The following RAMP3 variants were observed in gnomAD, a reference collection of about 807,000 sequenced individuals.
RAMP3 encodes the protein receptor activity-modifying protein 3.
In RAMP3, 14 loss-of-function variants were observed where a neutral mutation model predicts 13.5. That is an observed-to-expected ratio of 1.04 (90% CI 0.69 to 1.63). The LOEUF (loss-of-function observed/expected upper bound fraction) is 1.63, where lower values mean the gene tolerates loss of function less well. Ranked by LOEUF, RAMP3 falls within the 40% of genes most tolerant of loss-of-function variation. RAMP3 has a pLI of 0.00. For synonymous variants in RAMP3, 106 were observed against 88.3 expected (o/e 1.20, Z -1.12); for missense variants, 200 against 204.8 (o/e 0.98, Z 0.14).
In RAMP3 at chr7:45,183,222, A is replaced by G; in HGVS notation, c.257A>G (p.Asn86Ser). ...EANVVGCYWP[N>S]PLAQGFITGI... ...AATGTCGTGGGCTGCTACTGGCCCA[A>G]CCCCCTGGCCCAGGGCTTCATCACC... Residue 86 changes from asparagine to serine, a missense_variant, in exon 3 of 3, where the codon AAC (asparagine) becomes AGC (serine). Physicochemically the swap from Asn to Ser is conservative, Grantham distance 46 (BLOSUM62 1). Coordinates refer to ENST00000242249, the MANE Select transcript of RAMP3 (RefSeq NM_005856.3). 2.5e-6 allele frequency: 4 copies of G among 1,613,166 alleles called. No individual in the cohort carries two copies. Among genetic ancestry groups the G allele is most frequent in the Non-Finnish European group, 3.4e-6 (4 of 1,179,882 alleles).
chr7:45,180,480 G>A (rs1416285423), intron 2 of RAMP3, among the ~76,000 whole-genome samples: 1 of 152,210 alleles, frequency 6.6e-6, no homozygotes, highest in Non-Finnish European at 1.5e-5. Flanking sequence ...GTCGAGTCAT[G>A]GCTGGGAAGA....
chr7:45,163,531 G>A (rs1278592408), intron 1 of RAMP3: 1 of 985,248 alleles, frequency 1.0e-6, no homozygotes, highest in Non-Finnish European at 1.2e-6. Context: ...AGCAGCCAGA[G>A]GGTCGTGGAG....
chr7:45,179,397 C>T (rs1247225301), intron 2 of RAMP3, among the ~76,000 whole-genome samples: 2 of 152,026 alleles, frequency 1.3e-5, no homozygotes, highest in Non-Finnish European at 2.9e-5. Context: ...GAAATCTGAC[C>T]TAAGGCTCTG....
Position 45,183,139 on chromosome 7 carries a change from C to T in RAMP3, c.192-18C>T. 5 of 1,606,422 alleles carry T rather than the reference C, an allele frequency of 3.1e-6. No individual in the cohort carries two copies. Among genetic ancestry groups the T allele is most frequent in the South Asian group, 1.1e-5 (1 of 91,080 alleles). On this transcript the variant is annotated intron_variant, in intron 2 of 2. Transcript: ENST00000242249. ...GGGGATGGCGAGAGCCTGGCTTTCACCCCCTCTGCTTTTGCAGGTACTATG... is the reference window on the plus strand; with the variant it reads ...GGGGATGGCGAGAGCCTGGCTTTCATCCCCTCTGCTTTTGCAGGTACTATG...
intron 1 of RAMP3, among the ~76,000 whole-genome samples, chr7:45,170,455 A>T (rs1482355899): frequency 1.3e-5 from 2 of 151,330 alleles, no homozygotes; most frequent in Non-Finnish European, 2.9e-5. Flanking sequence ...CTCCTGCCTC[A>T]GCCTCTCGAG....
chr7:45,161,690 G>C (rs980159266), intron 1 of RAMP3, among the ~76,000 whole-genome samples: 1 of 151,810 alleles, frequency 6.6e-6, no homozygotes, highest in Non-Finnish European at 1.5e-5. Context: ...GGGGAAGGAG[G>C]GGGAGGCAGA....
chr7:45,164,517 A>G (rs1280846789), intron 1 of RAMP3, among the ~76,000 whole-genome samples: 8 of 151,740 alleles, frequency 5.3e-5, no homozygotes, highest in African/African-American at 1.9e-4. Flanking sequence ...CCTCGGTGAC[A>G]GAGTGAGACT....
Position 45,176,456 on chromosome 7 carries a change from C to T in RAMP3, c.59-853C>T, listed in dbSNP as rs114999108. On this transcript the variant is annotated intron_variant, in intron 1 of 2. Transcript: ENST00000242249. ...AGGGCTGTGCGTGCACACACACACA[C>T]ACACCCGAGACACATATGCCTGGGG... Among the ~76,000 whole-genome samples, 598 of 152,038 alleles carry T rather than the reference C, an allele frequency of 3.9e-3. 6 individuals are homozygous for T. Among genetic ancestry groups the T allele is most frequent in the African/African-American group, 0.014 (573 of 41,456 alleles).
At position 45,164,056 on chromosome 7, in the gene RAMP3, T is replaced by C. The variant is rs190563518; in HGVS notation, c.58+6170T>C. ...TGTACATCCTGCTCCAACCTTGCCC[T>C]GGGTCTACCTTTCCAAAGTCACTTC... On this transcript the variant is annotated intron_variant, in intron 1 of 2. Transcript: ENST00000242249. Among the ~76,000 whole-genome samples the C allele has an allele frequency of 1.3e-4, 20 of 152,360 alleles. 1 individual carries two copies. Among genetic ancestry groups the C allele is most frequent in the African/African-American group, 4.8e-4 (20 of 41,580 alleles).
chr7:45,171,352 T>C (rs1294950), intron 1 of RAMP3, among the ~76,000 whole-genome samples: 56,737 of 151,824 alleles, frequency 0.37, 12,888 homozygotes, highest in African/African-American at 0.64. Flanking sequence ...GATGGGGTTT[T>C]GCCATGTTGT....
intron 1 of RAMP3, among the ~76,000 whole-genome samples, chr7:45,160,721 T>A (rs1785852220): frequency 6.6e-6 from 1 of 152,190 alleles, no homozygotes; most frequent in South Asian, 2.1e-4. Flanking sequence ...CTCAGTGGCG[T>A]CTGGAAGTCC....
chr7:45,179,028 G>A (rs1005165378), intron 2 of RAMP3, among the ~76,000 whole-genome samples: 1 of 152,182 alleles, frequency 6.6e-6, no homozygotes, highest in African/African-American at 2.4e-5. Flanking sequence ...AAGCAGTGAG[G>A]TGTCCAGAGC....
At chr7:45,180,861 G>T (rs1300143253) in intron 2 of RAMP3, among the ~76,000 whole-genome samples, 1 of 152,234 alleles carries the variant, frequency 6.6e-6, no homozygotes, top group African/African-American at 2.4e-5. Context: ...ACTGAAGGAG[G>T]AGTGGAGAGG....
At position 45,183,389 on chromosome 7, in the gene RAMP3, A is replaced by G; in HGVS notation, c.424A>G (p.Lys142Glu). The change falls in exon 3 of 3, where the codon AAA (lysine) becomes GAA (glutamate). Residue 142 changes from lysine (K) to glutamate (E), a missense_variant. Transcript: ENST00000242249. The part of the protein sequence containing the change: ...AMAGLVVWRS[K>E]RTDTLL ...GGCTGGCCTGGTGGTGTGGCGCAGC[A>G]AACGCACCGACACGCTGCTGTGAGG... is the stretch of plus-strand genomic sequence containing the variant. 4 of 1,613,026 alleles carry G rather than the reference A, an allele frequency of 2.5e-6. No individual in the cohort carries two copies. Among genetic ancestry groups the G allele is most frequent in the Non-Finnish European group, 1.7e-6 (2 of 1,180,014 alleles).
At chr7:45,174,065 G>A (rs1786131825) in intron 1 of RAMP3, among the ~76,000 whole-genome samples, 1 of 152,110 alleles carries the variant, frequency 6.6e-6, no homozygotes, top group Non-Finnish European at 1.5e-5. Flanking sequence ...AAATGGACAA[G>A]GCCCAGTGAG....
At chr7:45,171,316 C>T (rs1025637285) in intron 1 of RAMP3, among the ~76,000 whole-genome samples, 1 of 151,946 alleles carries the variant, frequency 6.6e-6, no homozygotes, top group Non-Finnish European at 1.5e-5. Flanking sequence ...CCACTGTGCC[C>T]TGCTAATTTT....
At chr7:45,158,846 T>C (rs1010811437) in intron 1 of RAMP3, among the ~76,000 whole-genome samples, 1 of 152,236 alleles carries the variant, frequency 6.6e-6, no homozygotes, top group Non-Finnish European at 1.5e-5. Flanking sequence ...GCAGAACTTG[T>C]GTGGCTTCAT....
In RAMP3 at chr7:45,157,950, G is replaced by A. The variant is rs1785791763; in HGVS notation, c.58+64G>A. 4 of 1,285,286 alleles carry A rather than the reference G, an allele frequency of 3.1e-6. 1 individual carries two copies. The South Asian group carries it at 8.8e-5, about 28-fold the overall frequency. The allele number at this position is 1,285,286 out of a possible 1,614,324, so 79.6% of individuals were successfully genotyped here. On this transcript the variant is annotated intron_variant, in intron 1 of 2. Coordinates refer to ENST00000242249, the MANE Select transcript of RAMP3 (RefSeq NM_005856.3). ...CCTCGGGGTTCACCGGACCCGGGTG[G>A]ACCCGCGCCTTCCCGCACCTGCGCC...
intron 1 of RAMP3, among the ~76,000 whole-genome samples, chr7:45,160,060 C>A (rs138228592): frequency 1.3e-5 from 2 of 152,092 alleles, no homozygotes; most frequent in African/African-American, 4.8e-5. Context: ...CGGCCGGGTG[C>A]GGTGGCTCAC....
Sources: allele counts gnomAD v4.1 joint callset (sites outside exome capture counted in the v4.1 genomes callset), GRCh38; gene constraint gnomAD v4.1.1; transcripts MANE v1.5; gene names NCBI Gene and HGNC (gene_info 2026-07-23, HGNC 2026-07-21).